USP25: variants seen among roughly 807,000 people sequenced by gnomAD.
The protein encoded by USP25 is ubiquitin specific peptidase 25, also known as ubiquitin carboxyl-terminal hydrolase 25.
Under a neutral mutation model 158.5 loss-of-function variants are expected in USP25, and 85 were observed. The ratio of observed to expected loss-of-function variants is 0.54; its 90% CI spans 0.45 to 0.64. The LOEUF (loss-of-function observed/expected upper bound fraction) is 0.64. USP25 is among the 30% of genes least tolerant of loss of function. USP25 has a pLI of 0.00. For missense variants in USP25, 1,242 were observed against 1,327.3 expected (o/e 0.94, Z 1.00); for synonymous variants, 464 against 460.4 (o/e 1.01, Z -0.10).
intron 20 of USP25, among the ~76,000 whole-genome samples, chr21:15,853,317 A>G (rs1271657038): frequency 1.3e-5 from 2 of 151,908 alleles, no homozygotes; most frequent in African/African-American, 4.8e-5. Flanking sequence ...AGGTACACAC[A>G]TGTACACGCA....
intron 4 of USP25, among the ~76,000 whole-genome samples, chr21:15,789,157 C>A (rs910275156): frequency 8.5e-5 from 13 of 152,106 alleles, no homozygotes; most frequent in African/African-American, 2.4e-4. Context: ...TACATTATCT[C>A]AGTATATCAA....
chr21:15,794,421 T>A (rs1470621075), intron 5 of USP25, among the ~76,000 whole-genome samples: 1 of 151,750 alleles, frequency 6.6e-6, no homozygotes, highest in East Asian at 1.9e-4. Context: ...ATTTTTGTCC[T>A]ATTCACTTGG....
chr21:15,762,939 G>T lies in USP25; in HGVS notation c.94G>T (p.Asp32Tyr). Residue 32 changes from aspartate to tyrosine, a missense_variant, in exon 2 of 26, where the codon GAC becomes TAC. By Grantham distance (160) the Asp-to-Tyr change is radical. This residue lies in a region of USP25 where 627 missense variants were observed against 701.4 expected (regional missense o/e 0.89). Transcript: ENST00000400183. ...NQLREITGIN[D>Y]TQILQQALKD... ...ACTGAGAGAAATTACGGGGATTAAT[G>T]ACACCCAGATACTACAGCAAGCCTT... The T allele has an allele frequency of 6.2e-7, 1 of 1,612,672 alleles. No individual in the cohort carries two copies. The highest frequency in any genetic ancestry group is 1.1e-5 in the South Asian group (1 of 90,902).
chr21:15,810,348 A>G (rs2036596994), intron 8 of USP25, among the ~76,000 whole-genome samples: 1 of 152,152 alleles, frequency 6.6e-6, no homozygotes, highest in Admixed American at 6.5e-5. Flanking sequence ...TTTAAACAAT[A>G]CTTCACAAAT....
At chr21:15,838,108 A>G (rs1358343905) in intron 17 of USP25, among the ~76,000 whole-genome samples, 1 of 151,734 alleles carries the variant, frequency 6.6e-6, no homozygotes, top group East Asian at 1.9e-4. Flanking sequence ...TTTGTATTTT[A>G]GTAGAGACAA....
At chr21:15,763,153 G>A (rs955078957) in intron 2 of USP25, among the ~76,000 whole-genome samples, 185 bp downstream of exon 2, 2 of 152,092 alleles carry the variant, frequency 1.3e-5, no homozygotes, top group African/African-American at 4.8e-5. Context: ...GCTTTCAGCA[G>A]TCTGATGTCC....
Position 15,866,363 on chromosome 21 carries a change from G to A in USP25, c.2805+19G>A, listed in dbSNP as rs758017374. ...ATATGAGGTAATGTGCTTTCTTAGAGGTTAAACTACAGATTTAGGGATTCT... is the reference window on the plus strand; with the variant it reads ...ATATGAGGTAATGTGCTTTCTTAGAAGTTAAACTACAGATTTAGGGATTCT... On this transcript the variant is annotated intron_variant, in intron 22 of 25. Transcript: ENST00000400183. The A allele has an allele frequency of 2.6e-6, 4 of 1,562,470 alleles. No homozygotes were observed. The South Asian group carries it at 4.7e-5, about 19-fold the overall frequency.
At chr21:15,768,222 T>G (rs1017650291) in intron 3 of USP25, among the ~76,000 whole-genome samples, 1 of 152,128 alleles carries the variant, frequency 6.6e-6, no homozygotes, top group Middle Eastern at 3.2e-3. Context: ...ATACGTAATA[T>G]GTATCAAGTG....
chr21:15,823,088 C>T (rs75545336), intron 10 of USP25, among the ~76,000 whole-genome samples: 2,256 of 152,054 alleles, frequency 0.015, 61 homozygotes, highest in African/African-American at 0.052. Context: ...ATATTCTTAA[C>T]TTATTGACAG....
At chr21:15,853,343 A>G (rs967995239) in intron 20 of USP25, among the ~76,000 whole-genome samples, 6 of 152,078 alleles carry the variant, frequency 3.9e-5, no homozygotes, top group Admixed American at 2.6e-4. Context: ...GTACACATAC[A>G]TGTACACACA....
chr21:15,802,753 A>C (rs1388088216), intron 6 of USP25, among the ~76,000 whole-genome samples: 3 of 151,662 alleles, frequency 2.0e-5, no homozygotes, highest in Non-Finnish European at 3.0e-5. Flanking sequence ...AAGACATTAG[A>C]GAATAAAGGG....
At chr21:15,730,699 C>A (rs996874434) in intron 1 of USP25, among the ~76,000 whole-genome samples, 2 of 152,190 alleles carry the variant, frequency 1.3e-5, no homozygotes, top group Non-Finnish European at 2.9e-5. Flanking sequence ...GTATTGAGAG[C>A]GACCCTCACA....
intron 4 of USP25, among the ~76,000 whole-genome samples, chr21:15,785,619 A>T (rs2035227747): frequency 1.3e-5 from 2 of 152,304 alleles, no homozygotes; most frequent in East Asian, 3.9e-4. Context: ...CCCTGGGACA[A>T]AGGAGCGTGG....
intron 20 of USP25, among the ~76,000 whole-genome samples, chr21:15,855,805 C>T (rs1036150292): frequency 1.3e-5 from 2 of 152,128 alleles, no homozygotes; most frequent in Non-Finnish European, 2.9e-5. Flanking sequence ...ACCTTTTTTC[C>T]GCCTTCCCAT....
intron 6 of USP25, among the ~76,000 whole-genome samples, chr21:15,801,575 T>C (rs897511270): frequency 4.0e-5 from 6 of 151,586 alleles, no homozygotes; most frequent in African/African-American, 1.4e-4. Context: ...TTATAGATAG[T>C]TATCAGCCAC....
intron 14 of USP25, among the ~76,000 whole-genome samples, chr21:15,829,738 T>C (rs1022132772): frequency 1.3e-5 from 2 of 152,154 alleles, no homozygotes; most frequent in Admixed American, 1.3e-4. Context: ...ATTTTCCCAG[T>C]TTTTCATTTG....
In USP25 at chr21:15,843,132, G is replaced by A. The variant is rs1386007624; in HGVS notation, c.2337+592G>A. On this transcript the variant is annotated intron_variant, in intron 18 of 25. Transcript: ENST00000400183. This position sits in a 1 kb window ranked among gnomAD's most constrained non-coding sequence, Gnocchi z 4.0. ...GTTTTCAACTACATCTTTTTATAGC[G>A]GTAAATTGAGCATGTTTGGTGTTAT... Among the ~76,000 whole-genome samples, 1 of 142,762 alleles carries A rather than the reference G, an allele frequency of 7.0e-6. No homozygotes were observed. The highest frequency in any genetic ancestry group is 1.5e-5 in the Non-Finnish European group (1 of 67,454). 93.7% of individuals were successfully genotyped at this position (142,762 alleles called of 152,430 possible).
At chr21:15,731,224 C>T (rs1296979393) in intron 1 of USP25, among the ~76,000 whole-genome samples, 1 of 152,100 alleles carries the variant, frequency 6.6e-6, no homozygotes, top group Non-Finnish European at 1.5e-5. Flanking sequence ...ATTTTGCTTT[C>T]AGAATCTTAA....
At chr21:15,842,593 T>A (rs991888331) in intron 18 of USP25, 53 bp downstream of exon 18, 10 of 1,596,092 alleles carry the variant, frequency 6.3e-6, no homozygotes, top group South Asian at 1.1e-5. Flanking sequence ...CGACATTTCC[T>A]CCAGTATAGT....
Sources: gnomAD v4.1 joint callset for allele counts (sites outside exome capture counted in the v4.1 genomes callset) on GRCh38, gnomAD v4.1.1 for gene constraint, gnomAD v4.1.1 regional missense constraint, Gnocchi (gnomAD v3.1) non-coding constraint, MANE v1.5 for transcripts, NCBI Gene and HGNC (gene_info 2026-07-23, HGNC 2026-07-21) for gene names.